LOXHD1: variants seen among roughly 807,000 people sequenced by gnomAD.
The protein encoded by LOXHD1 is lipoxygenase homology PLAT domains 1, also known as lipoxygenase homology domain-containing protein 1.
In LOXHD1, 205 loss-of-function variants were observed where a neutral mutation model predicts 248.2. The observed-to-expected ratio is 0.83, with a 90% CI of 0.74 to 0.93. LOXHD1 has a LOEUF of 0.93. LOXHD1 is among the 40% of genes least tolerant of loss of function. The pLI is 0.00. For synonymous variants in LOXHD1, 1,113 were observed against 1,162.8 expected (o/e 0.96, Z 0.87); for missense variants, 2,930 against 2,971.6 (o/e 0.99, Z 0.33).
rs1305026739 is a variant in LOXHD1, at chr18:46,657,188, C to T, written c.-155G>A. 3 of 1,261,526 alleles carry T rather than the reference C, an allele frequency of 2.4e-6. No individual in the cohort carries two copies. The highest frequency in any genetic ancestry group is 2.6e-5 in the East Asian group (1 of 39,194). The allele number at this position is 1,261,526 out of a possible 1,614,324, so 78.1% of individuals were successfully genotyped here. ...GAGTGCCCCGTTTTCTTGGCTTCCC[C>T]GTGCCCAAGGTGCTGTTCCCTCTGC... On this transcript the variant is annotated 5_prime_UTR_variant, in exon 1 of 41. Transcript: ENST00000642948.
At chr18:46,491,893 C>T (rs544340620) in intron 37 of LOXHD1, among the ~76,000 whole-genome samples, 2 of 152,250 alleles carry the variant, frequency 1.3e-5, no homozygotes, top group Non-Finnish European at 2.9e-5. Context: ...CAGGTTGCCT[C>T]TCTTCCCACT....
chr18:46,595,035 T>G (rs1029207877), intron 8 of LOXHD1, among the ~76,000 whole-genome samples: 2 of 152,230 alleles, frequency 1.3e-5, no homozygotes, highest in Non-Finnish European at 2.9e-5. Flanking sequence ...AAAGAAATTT[T>G]GACTCTCACA....
In LOXHD1 at chr18:46,483,624, T is replaced by C; in HGVS notation, c.6304A>G (p.Lys2102Glu). ...IPKRELAWHV[K>E]TITITEMEYG... ...TCCATCTCGGTGATGGTGATGGTCT[T>C]GACATGCCAGGCAAGTTCTCTCTTG... Residue 2102 changes from lysine (K) to glutamate (E), a missense_variant, in exon 40 of 41, where the codon AAG (lysine) becomes GAG (glutamate). Transcript: ENST00000642948. 6.4e-7 allele frequency: 1 copy of C among 1,551,632 alleles called. No individual in the cohort carries two copies. The highest frequency in any genetic ancestry group is 8.7e-7 in the Non-Finnish European group (1 of 1,146,984).
rs766550500 is a variant in LOXHD1 at position 46,477,434 on chromosome 18, T to G, written c.*38A>C. On this transcript the variant is annotated 3_prime_UTR_variant, in exon 41 of 41. Coordinates refer to ENST00000642948, the MANE Select transcript of LOXHD1 (RefSeq NM_001384474.1). Reference sequence around the variant, plus strand: ...CAAGGTGGAGGGCAGAAATGTGAGATTGGGGCATCTCAGTGAGAGGGTGGG... The same window carrying G: ...CAAGGTGGAGGGCAGAAATGTGAGAGTGGGGCATCTCAGTGAGAGGGTGGG... The G allele has an allele frequency of 3.3e-6, 5 of 1,535,674 alleles. No homozygotes were observed. Among genetic ancestry groups the G allele is most frequent in the Middle Eastern group, 1.9e-4 (1 of 5,140 alleles).
At chr18:46,550,352 T>A (rs1263280500) in intron 21 of LOXHD1, among the ~76,000 whole-genome samples, 1 of 151,770 alleles carries the variant, frequency 6.6e-6, no homozygotes, top group South Asian at 2.1e-4. Flanking sequence ...GGCGGGTGGA[T>A]CATGAGGTCA....
At chr18:46,547,899 CA>C (rs370625378) in intron 21 of LOXHD1, among the ~76,000 whole-genome samples, 295 of 152,280 alleles carry the variant, frequency 1.9e-3, no homozygotes, top group African/African-American at 6.9e-3. Context: ...AAACATTATT[CA>C]TTGCTTATCT....
At chr18:46,589,419 A>G (rs1186817672) in intron 12 of LOXHD1, among the ~76,000 whole-genome samples, 2 of 152,126 alleles carry the variant, frequency 1.3e-5, no homozygotes, top group African/African-American at 4.8e-5. Flanking sequence ...TTTTGTTTTC[A>G]TTTCTTGTCC....
At chr18:46,614,753 T>C (rs575811284) in intron 5 of LOXHD1, among the ~76,000 whole-genome samples, 4 of 151,912 alleles carry the variant, frequency 2.6e-5, no homozygotes, top group African/African-American at 9.6e-5. Context: ...AATAACTTTT[T>C]AGGTCTTTAT....
rs1274700779 is a variant in LOXHD1 at position 46,557,715 on chromosome 18, C to T, written c.3217-226G>A. 3.3e-5 allele frequency among the ~76,000 whole-genome samples: 5 copies of T among 152,314 alleles called. No individual in the cohort carries two copies. The East Asian group carries it at 9.6e-4, about 29-fold the overall frequency. ...CAGGAGATCTTCTCACTCTCATGTC[C>T]AGGAAGGTGGAAGGAGGAGAGGAAG... On this transcript the variant is annotated intron_variant, in intron 20 of 40. Coordinates refer to ENST00000642948, the MANE Select transcript of LOXHD1 (RefSeq NM_001384474.1).
rs1191033003 is a variant in LOXHD1 at position 46,545,301 on chromosome 18, T to C, written c.3619+16A>G. ...GAAGAATGTGGGTGAATCTTGGCCC[T>C]GCACTGCTTTCTTACCAGTGTCATC... is the stretch of plus-strand genomic sequence containing the variant. On this transcript the variant is annotated intron_variant, in intron 23 of 40. Transcript: ENST00000642948. 4 of 1,531,220 alleles carry C rather than the reference T, an allele frequency of 2.6e-6. No individual in the cohort carries two copies. The highest frequency in any genetic ancestry group is 3.5e-6 in the Non-Finnish European group (4 of 1,128,388). 94.9% of individuals were successfully genotyped at this position (1,531,220 alleles called of 1,614,324 possible). A position where few individuals can be genotyped will look rare whatever the true frequency, so the allele number is the denominator to read the frequency against.
chr18:46,612,212 C>G (rs546523637), intron 5 of LOXHD1, among the ~76,000 whole-genome samples: 1 of 152,286 alleles, frequency 6.6e-6, no homozygotes, highest in East Asian at 1.9e-4. Flanking sequence ...CTGTACCTAT[C>G]TCCTACTGCA....
At chr18:46,609,100 G>T (rs1417424690) in intron 6 of LOXHD1, among the ~76,000 whole-genome samples, 1 of 152,188 alleles carries the variant, frequency 6.6e-6, no homozygotes, top group African/African-American at 2.4e-5. Context: ...TATGCCCCTT[G>T]TCAAAGCCTT....
intron 4 of LOXHD1, among the ~76,000 whole-genome samples, chr18:46,619,838 C>T (rs2038643575): frequency 6.6e-6 from 1 of 152,176 alleles, no homozygotes; most frequent in African/African-American, 2.4e-5. Context: ...CTTGAGGAAA[C>T]CCATCAATGG....
chr18:46,649,179 G>A lies in LOXHD1; in HGVS notation c.221C>T (p.Ser74Phe). The stretch of plus-strand genomic sequence containing the variant: ...CTTGCTGGTGAGCTGGAGCTTGGGA[G>A]AGAGCCCATTCTCTCCAAAAAGCGT... ...FITLFGENGLSPKLQLTSKSK... is the reference protein window; with the variant it reads ...FITLFGENGLFPKLQLTSKSK... Residue 74 changes from serine (S) to phenylalanine (F), a missense_variant, in exon 2 of 41, where the codon TCT becomes TTT. By Grantham distance (155) the Ser-to-Phe change is radical. Coordinates refer to ENST00000642948, the MANE Select transcript of LOXHD1 (RefSeq NM_001384474.1). The A allele has an allele frequency of 1.9e-6, 3 of 1,551,746 alleles. No homozygotes were observed. The highest frequency in any genetic ancestry group is 2.0e-5 in the Admixed American group (1 of 51,012).
intron 4 of LOXHD1, among the ~76,000 whole-genome samples, chr18:46,621,804 G>C (rs652678): frequency 1.3e-5 from 2 of 152,138 alleles, no homozygotes; most frequent in African/African-American, 4.8e-5. Flanking sequence ...ATGATGATAA[G>C]AAATAATTCC....
chr18:46,531,186 G>A (rs2036049202), intron 28 of LOXHD1, among the ~76,000 whole-genome samples: 1 of 151,960 alleles, frequency 6.6e-6, no homozygotes. Context: ...GCTGGTCAGA[G>A]ACACCGCCAG....
At chr18:46,609,447 T>A (rs1319095159) in intron 6 of LOXHD1, among the ~76,000 whole-genome samples, 2 of 152,246 alleles carry the variant, frequency 1.3e-5, no homozygotes, top group Non-Finnish European at 2.9e-5. Context: ...ACCTCAACTA[T>A]CAGACAGCCT....
intron 40 of LOXHD1, 88 bp from the exon 41 acceptor site, chr18:46,478,040 A>AG (rs1568062390): frequency 4.8e-5 from 70 of 1,455,570 alleles, no homozygotes; most frequent in Non-Finnish European, 6.1e-5. Flanking sequence ...TTGCTCATCT[A>AG]TAAATGATCC....
chr18:46,509,677 G>A (rs1266789245), intron 35 of LOXHD1, 21 bp downstream of exon 35: 9 of 1,519,392 alleles, frequency 5.9e-6, no homozygotes, highest in Non-Finnish European at 8.1e-6. Context: ...GGAAGGAAGA[G>A]TGAGGGTCTA....
Sources: gnomAD v4.1 joint callset for allele counts (sites outside exome capture counted in the v4.1 genomes callset) on GRCh38, gnomAD v4.1.1 for gene constraint, MANE v1.5 for transcripts, NCBI Gene and HGNC (gene_info 2026-07-23, HGNC 2026-07-21) for gene names.